Variants in APLN observed in about 807,000 individuals in gnomAD.
The protein encoded by APLN is AGTRL1 ligand.
A neutral mutation model predicts 4.3 loss-of-function variants in APLN; 2 were observed. The ratio of observed to expected loss-of-function variants is 0.46; its 90% CI spans 0.19 to 1.45. The LOEUF (loss-of-function observed/expected upper bound fraction) is 1.45, where lower values mean the gene tolerates loss of function less well. Ranked by LOEUF, APLN falls within the 40% of genes most tolerant of loss-of-function variation. The pLI is 0.25. For missense variants in APLN, 80 were observed against 70.0 expected (o/e 1.14, Z -0.51); for synonymous variants, 34 against 30.4 (o/e 1.12, Z -0.38).
intron 1 of APLN, among the ~76,000 whole-genome samples, chrX:129,651,828 C>T (rs1220525456): frequency 5.4e-5 from 6 of 112,065 alleles, no homozygotes; most frequent in African/African-American, 1.6e-4. Context: ...ACGTATGCTC[C>T]GGTGGGGACC....
Position 129,654,667 on chromosome X carries a change from C to A in APLN, c.-37G>T, listed in dbSNP as rs1195681006. 1 of 1,056,168 alleles carries A rather than the reference C, an allele frequency of 9.5e-7. No individual in the cohort carries two copies. Among genetic ancestry groups the A allele is most frequent in the Admixed American group, 3.6e-5 (1 of 27,720 alleles). 87.0% of individuals were successfully genotyped at this position (1,056,168 alleles called of 1,213,427 possible). Reference sequence around the variant, plus strand: ...GGCCGCCGCGGCCCCGGCGAGCCGGCGCGGGGGAGGAGAGGTCGGGCGCCC... The same window carrying A: ...GGCCGCCGCGGCCCCGGCGAGCCGGAGCGGGGGAGGAGAGGTCGGGCGCCC... On this transcript the variant is annotated 5_prime_UTR_variant, in exon 1 of 3. Coordinates refer to ENST00000429967, the MANE Select transcript of APLN (RefSeq NM_017413.5).
Position 129,646,228 on chromosome X carries a change from G to A in APLN, c.*1695C>T, listed in dbSNP as rs1936939504. ...AGCAGCAGCAGCAGCAGCAGCGTTA[G>A]CAGCAGCATAGGTAAAGGGGCTTGG... On this transcript the variant is annotated 3_prime_UTR_variant, in exon 3 of 3. Coordinates refer to ENST00000429967, the MANE Select transcript of APLN (RefSeq NM_017413.5). The A allele has an allele frequency of 1.6e-5, 2 of 122,746 alleles. No individual in the cohort carries two copies. Among genetic ancestry groups the A allele is most frequent in the Non-Finnish European group, 3.4e-5 (2 of 59,344 alleles). 10.1% of individuals were successfully genotyped at this position (122,746 alleles called of 1,213,427 possible). A position where few individuals can be genotyped will look rare whatever the true frequency, so the allele number is the denominator to read the frequency against.
chrX:129,653,915 T>TA (rs1936992479), intron 1 of APLN, among the ~76,000 whole-genome samples: 1 of 110,221 alleles, frequency 9.1e-6, no homozygotes, highest in African/African-American at 3.3e-5. Context: ...GCCAGGACCT[T>TA]GGGGTTAGGG....
chrX:129,648,838 G>A (rs759027332), intron 1 of APLN, 46 bp from the exon 2 acceptor site: 11 of 1,104,125 alleles, frequency 1.0e-5, no homozygotes, highest in East Asian at 3.3e-5. Context: ...TGTTGGAAAC[G>A]GGCAGGGGCT....
chrX:129,654,924 T>G lies in APLN; in HGVS notation c.-294A>C. 7.0e-6 allele frequency: 1 copy of G among 143,534 alleles called. No homozygotes were observed. Among genetic ancestry groups the G allele is most frequent in the Non-Finnish European group, 1.4e-5 (1 of 72,830 alleles). The allele number at this position is 143,534 out of a possible 1,213,427, so 11.8% of individuals were successfully genotyped here. A position where few individuals can be genotyped will look rare whatever the true frequency, so the allele number is the denominator to read the frequency against. ...CTGGCTGCTCGGCCGCGGCTGCAACTGCCCGTGACCCCGGCTGCCAGAGAG... is the reference window on the plus strand; with the variant it reads ...CTGGCTGCTCGGCCGCGGCTGCAACGGCCCGTGACCCCGGCTGCCAGAGAG... On this transcript the variant is annotated 5_prime_UTR_variant, in exon 1 of 3. Coordinates refer to ENST00000429967, the MANE Select transcript of APLN (RefSeq NM_017413.5).
At chrX:129,651,588 A>C (rs970722098) in intron 1 of APLN, among the ~76,000 whole-genome samples, 4 of 112,360 alleles carry the variant, frequency 3.6e-5, no homozygotes, top group African/African-American at 1.3e-4. Flanking sequence ...GAGAGATTGG[A>C]GCCATTGCCT....
intron 1 of APLN, among the ~76,000 whole-genome samples, chrX:129,650,850 G>A (rs1936974350): frequency 8.9e-6 from 1 of 111,880 alleles, no homozygotes; most frequent in Admixed American, 9.5e-5. Context: ...CCTGATCACT[G>A]AGGGCGGATC....
chrX:129,649,530 C>A (rs778103936), intron 1 of APLN, among the ~76,000 whole-genome samples: 3 of 111,137 alleles, frequency 2.7e-5, no homozygotes, highest in Non-Finnish European at 5.7e-5. Flanking sequence ...GATTTAGAGA[C>A]CTGAGACCAG....
rs1242166383 is a variant in APLN at position 129,654,542 on chromosome X, G to A, written c.67+22C>T. ...GGAGCACGCCGGCTGCAGCCCGGGC[G>A]AGCGGGAGGGCGCGCACTCACCTCC... On this transcript the variant is annotated intron_variant, in intron 1 of 2. Coordinates refer to ENST00000429967, the MANE Select transcript of APLN (RefSeq NM_017413.5). 6 of 1,145,714 alleles carry A rather than the reference G, an allele frequency of 5.2e-6. No homozygotes were observed. In the African/African-American group the frequency reaches 7.4e-5, roughly 14 times the overall value. 94.4% of individuals were successfully genotyped at this position (1,145,714 alleles called of 1,213,427 possible).
In APLN at chrX:129,647,527, C is replaced by T; in HGVS notation, c.*396G>A. ...AAAACAAGGGATCTGCTGGAGCCCA[C>T]AGAAGGGAGCACTTCCACCCCGCGC... On this transcript the variant is annotated 3_prime_UTR_variant, in exon 3 of 3. Transcript: ENST00000429967. 1 of 811,384 alleles carries T rather than the reference C, an allele frequency of 1.2e-6. No homozygotes were observed. Among genetic ancestry groups the T allele is most frequent in the Admixed American group, 3.9e-5 (1 of 25,576 alleles). The allele number at this position is 811,384 out of a possible 1,213,427, so 66.9% of individuals were successfully genotyped here.
At chrX:129,650,599 C>T (rs1366325984) in intron 1 of APLN, among the ~76,000 whole-genome samples, 2 of 112,606 alleles carry the variant, frequency 1.8e-5, no homozygotes, top group East Asian at 5.6e-4. Context: ...TCCGTGCCAA[C>T]TTATCCCTTA....
chrX:129,649,097 G>C (rs1303291656), intron 1 of APLN, among the ~76,000 whole-genome samples: 1 of 110,813 alleles, frequency 9.0e-6, no homozygotes, highest in Non-Finnish European at 1.9e-5. Context: ...TGTGCACTTT[G>C]GGTTGTCACG....
At chrX:129,652,219 G>T (rs1780050811) in intron 1 of APLN, among the ~76,000 whole-genome samples, 1 of 111,623 alleles carries the variant, frequency 9.0e-6, no homozygotes, top group African/African-American at 3.3e-5. Flanking sequence ...CTTGGCCCTG[G>T]ACCAGGAGTT....
chrX:129,652,590 G>A (rs1258792164), intron 1 of APLN, among the ~76,000 whole-genome samples: 1 of 112,515 alleles, frequency 8.9e-6, no homozygotes, highest in East Asian at 2.8e-4. Context: ...AAGTCAGTGA[G>A]AGCCCTGAAA....
chrX:129,653,856 G>C (rs1369752743), intron 1 of APLN, among the ~76,000 whole-genome samples: 1 of 111,733 alleles, frequency 8.9e-6, no homozygotes, highest in Non-Finnish European at 1.9e-5. Flanking sequence ...AGTCTCTGGG[G>C]GTGGGATGGA....
intron 1 of APLN, among the ~76,000 whole-genome samples, chrX:129,651,305 TCC>T (rs1936977604): frequency 9.1e-6 from 1 of 110,181 alleles, no homozygotes; most frequent in Non-Finnish European, 1.9e-5. Flanking sequence ...TGCTGGCTCC[TCC>T]CGCACTCTGA....
At chrX:129,653,734 C>T (rs770177960) in intron 1 of APLN, among the ~76,000 whole-genome samples, 1 of 112,368 alleles carries the variant, frequency 8.9e-6, no homozygotes, top group Non-Finnish European at 1.9e-5. Context: ...AGGGAGGGGT[C>T]GGGTCAGGTG....
chrX:129,647,597 C>T lies in APLN; in HGVS notation c.*326G>A, dbSNP rs1569468693. On this transcript the variant is annotated 3_prime_UTR_variant, in exon 3 of 3. Transcript: ENST00000429967. ...GGAAGGCCCAAATGAAGGTTTGGGGCGTTAGATGAGACAGGCAGGGACTAG... is the reference window on the plus strand; with the variant it reads ...GGAAGGCCCAAATGAAGGTTTGGGGTGTTAGATGAGACAGGCAGGGACTAG... 7.3e-5 allele frequency: 71 copies of T among 968,960 alleles called. No homozygotes were observed. In the South Asian group the frequency reaches 1.0e-3, roughly 14 times the overall value. The allele number at this position is 968,960 out of a possible 1,213,427, so 79.9% of individuals were successfully genotyped here.
Position 129,648,752 on chromosome X carries a change from G to A in APLN, c.108C>T (p.Asp36=), listed in dbSNP as rs1313726072. 27 of 1,174,832 alleles carry A rather than the reference G, an allele frequency of 2.3e-5. No individual in the cohort carries two copies. The highest frequency in any genetic ancestry group is 2.5e-5 in the Non-Finnish European group (22 of 877,084). Residue 36 remains aspartate, a synonymous_variant, in exon 2 of 3, where the codon GAC becomes GAT. Transcript: ENST00000429967. ...GCTGCACCAGGTGGCGGACATTGCC[G>A]TCTTCCAGCCCATTCCCATCGGGAA... is the stretch of plus-strand genomic sequence containing the variant. ...MPLPDGNGLE[D]GNVRHLVQPR...
Sources: allele counts gnomAD v4.1 joint callset (sites outside exome capture counted in the v4.1 genomes callset), GRCh38; gene constraint gnomAD v4.1.1; transcripts MANE v1.5; gene names NCBI Gene and HGNC (gene_info 2026-07-23, HGNC 2026-07-21).